Variants in PDE11A observed in about 807,000 individuals in gnomAD.
PDE11A encodes phosphodiesterase 11A.
Under a neutral mutation model 100.5 loss-of-function variants are expected in PDE11A, and 100 were observed. The ratio of observed to expected loss-of-function variants is 1.00; its 90% CI spans 0.85 to 1.18. PDE11A has a LOEUF of 1.18. Ranked by LOEUF, PDE11A falls within the 50% of genes most tolerant of loss-of-function variation. The probability of loss-of-function intolerance (pLI) is 0.00; values close to 1 mark genes in which losing one functional copy is unlikely to be tolerated. For synonymous variants in PDE11A, 381 were observed against 420.8 expected (o/e 0.91, Z 1.16); for missense variants, 1,141 against 1,152.6 (o/e 0.99, Z 0.15).
Position 177,673,311 on chromosome 2 carries a change from G to A in PDE11A, c.2487+2144C>T, listed in dbSNP as rs147353866. Among the ~76,000 whole-genome samples the A allele has an allele frequency of 4.4e-3, 667 of 152,308 alleles. 5 individuals are homozygous for A. The highest frequency in any genetic ancestry group is 0.03 in the East Asian group (153 of 5,180). Reference sequence around the variant, plus strand: ...CAGTTTGACCTTCAGATAAAGCTAAGAAGGGTGATGGGAAAGGAATAATTT... The same window carrying A: ...CAGTTTGACCTTCAGATAAAGCTAAAAAGGGTGATGGGAAAGGAATAATTT... On this transcript the variant is annotated intron_variant, in intron 17 of 19. Transcript: ENST00000286063.
intron 4 of PDE11A, among the ~76,000 whole-genome samples, chr2:177,892,143 T>C (rs1052263492): frequency 1.3e-5 from 2 of 152,234 alleles, no homozygotes; most frequent in Admixed American, 1.3e-4. Flanking sequence ...TCAAGTGCTC[T>C]TTGGACTGGT....
At chr2:178,050,625 T>C (rs892006367) in intron 1 of PDE11A, among the ~76,000 whole-genome samples, 3 of 152,068 alleles carry the variant, frequency 2.0e-5, no homozygotes, top group African/African-American at 7.2e-5. Flanking sequence ...ATTGGAAGAA[T>C]GGCTAAATAG....
At chr2:177,712,161 C>G (rs1398815889) in intron 12 of PDE11A, among the ~76,000 whole-genome samples, 1 of 152,146 alleles carries the variant, frequency 6.6e-6, no homozygotes, top group Non-Finnish European at 1.5e-5. Flanking sequence ...TATCCAGAGA[C>G]AGTGACAGTT....
At chr2:178,055,755 A>C (rs1283420533) in intron 1 of PDE11A, among the ~76,000 whole-genome samples, 5 of 152,178 alleles carry the variant, frequency 3.3e-5, no homozygotes, top group African/African-American at 9.6e-5. Flanking sequence ...TAGAAAGAAA[A>C]GTCATCTGAT....
chr2:177,884,499 T>G (rs1437135151), intron 4 of PDE11A, among the ~76,000 whole-genome samples: 2 of 152,196 alleles, frequency 1.3e-5, no homozygotes, highest in Non-Finnish European at 2.9e-5. Flanking sequence ...TCTTTTGTGT[T>G]AATAGGCTAG....
intron 6 of PDE11A, among the ~76,000 whole-genome samples, chr2:177,839,947 T>C (rs1040448398): frequency 6.6e-6 from 1 of 152,198 alleles, no homozygotes. Flanking sequence ...AATATGGTAG[T>C]TGTTTTAGGG....
intron 15 of PDE11A, among the ~76,000 whole-genome samples, chr2:177,696,888 G>A (rs925147917): frequency 6.6e-6 from 1 of 152,180 alleles, no homozygotes; most frequent in Non-Finnish European, 1.5e-5. Flanking sequence ...GTGAAAAGGA[G>A]AGAAAGCCCT....
At chr2:177,953,289 T>TA (rs2085525166) in intron 2 of PDE11A, 1 of 152,084 alleles carries the variant, frequency 6.6e-6, no homozygotes, top group South Asian at 2.1e-4. Flanking sequence ...TTCCTACAAT[T>TA]AAAAAAGCCA....
At chr2:177,846,776 G>A (rs1456545565) in intron 5 of PDE11A, among the ~76,000 whole-genome samples, 1 of 152,174 alleles carries the variant, frequency 6.6e-6, no homozygotes, top group Non-Finnish European at 1.5e-5. Flanking sequence ...AGAGACATTT[G>A]TATGGGCTTT....
intron 2 of PDE11A, among the ~76,000 whole-genome samples, chr2:178,085,507 T>A (rs2087338675): frequency 6.6e-6 from 1 of 150,496 alleles, no homozygotes; most frequent in Non-Finnish European, 1.5e-5. Context: ...AATCTGCACA[T>A]GTACCCTATG....
intron 19 of PDE11A, among the ~76,000 whole-genome samples, chr2:177,660,090 T>TC (rs1439990667): frequency 1.6e-4 from 6 of 38,260 alleles, no homozygotes; most frequent in Non-Finnish European, 3.3e-4. Flanking sequence ...TTTCTTTCTT[T>TC]CTTTCTTTCT....
At chr2:177,853,601 CTA>C (rs1254485464) in intron 5 of PDE11A, among the ~76,000 whole-genome samples, 2 of 125,540 alleles carry the variant, frequency 1.6e-5, no homozygotes, top group Admixed American at 9.3e-5. Flanking sequence ...CCATACATCT[CTA>C]GATTGAGGGC....
At chr2:177,715,379 C>A (rs1289891962) in intron 12 of PDE11A, among the ~76,000 whole-genome samples, 1 of 152,088 alleles carries the variant, frequency 6.6e-6, no homozygotes, top group Non-Finnish European at 1.5e-5. Flanking sequence ...TGGGTTGGAA[C>A]TTTTTTCCCC....
At chr2:177,857,394 A>G (rs1461764254) in intron 5 of PDE11A, among the ~76,000 whole-genome samples, 1 of 152,070 alleles carries the variant, frequency 6.6e-6, no homozygotes, top group Non-Finnish European at 1.5e-5. Context: ...ATAAGTAAAT[A>G]TGAAAGATAG....
intron 2 of PDE11A, among the ~76,000 whole-genome samples, chr2:178,005,880 A>G (rs1433196828): frequency 1.3e-5 from 2 of 152,182 alleles, no homozygotes; most frequent in Non-Finnish European, 2.9e-5. Context: ...GAGTATGTGG[A>G]AAGAAATAGA....
chr2:178,031,688 T>C (rs2086549709), intron 1 of PDE11A, among the ~76,000 whole-genome samples: 3 of 152,094 alleles, frequency 2.0e-5, no homozygotes, highest in Admixed American at 2.0e-4. Flanking sequence ...ATATATATCA[T>C]ATTATTGGGT....
At position 177,725,310 on chromosome 2, in the gene PDE11A, G is replaced by A. The variant is rs891332617; in HGVS notation, c.2043+2348C>T. ...AGTCAAGCTTGGAGAAGATACTTACGTTAGAGAGAAACAAATGTTGACACT... is the reference window on the plus strand; with the variant it reads ...AGTCAAGCTTGGAGAAGATACTTACATTAGAGAGAAACAAATGTTGACACT... On this transcript the variant is annotated intron_variant, in intron 12 of 19. Coordinates refer to ENST00000286063, the MANE Select transcript of PDE11A (RefSeq NM_016953.4). Among the ~76,000 whole-genome samples the A allele has an allele frequency of 5.3e-5, 8 of 152,068 alleles. No individual in the cohort carries two copies. The South Asian group carries it at 8.3e-4, about 16-fold the overall frequency.
intron 12 of PDE11A, among the ~76,000 whole-genome samples, chr2:177,720,321 G>T (rs529351508): frequency 6.6e-6 from 1 of 152,194 alleles, no homozygotes; most frequent in South Asian, 2.1e-4. Context: ...TATACTACTG[G>T]ATGTCGCAGC....
At chr2:177,819,509 C>T (rs1360298994) in intron 7 of PDE11A, among the ~76,000 whole-genome samples, 2 of 152,016 alleles carry the variant, frequency 1.3e-5, no homozygotes, top group African/African-American at 2.4e-5. Context: ...ATGAATTCTC[C>T]TTGCCTGGGC....
Sources: allele counts gnomAD v4.1 joint callset (sites outside exome capture counted in the v4.1 genomes callset), GRCh38; gene constraint gnomAD v4.1.1; transcripts MANE v1.5; gene names NCBI Gene and HGNC (gene_info 2026-07-23, HGNC 2026-07-21).